The following SNAPC1 variants were observed in gnomAD, a reference collection of about 807,000 sequenced individuals.
SNAPC1 encodes the protein small nuclear RNA activating complex polypeptide 1, also known as snRNA-activating protein complex subunit 1.
In SNAPC1, 42 loss-of-function variants were observed where a neutral mutation model predicts 50.1. The ratio of observed to expected loss-of-function variants is 0.84; its 90% CI spans 0.65 to 1.08. The LOEUF (loss-of-function observed/expected upper bound fraction) is 1.08. SNAPC1 is among the 50% of genes least tolerant of loss of function. The probability of loss-of-function intolerance (pLI) is 0.00; values close to 1 mark genes in which losing one functional copy is unlikely to be tolerated. For synonymous variants in SNAPC1, 164 were observed against 144.2 expected, an observed-to-expected ratio of 1.14 and a Z score of -0.98; for missense variants, 477 against 427.3, an observed-to-expected ratio of 1.12 and a Z score of -1.02.
chr14:61,792,144 A>G (rs539961641), intron 8 of SNAPC1, among the ~76,000 whole-genome samples: 74 of 151,850 alleles, frequency 4.9e-4, no homozygotes, highest in Non-Finnish European at 9.3e-4. Flanking sequence ...ATATCAAATG[A>G]TAAAAGTGTT....
chr14:61,762,432 G>A lies in SNAPC1; in HGVS notation c.-29G>A, dbSNP rs1450291140. On this transcript the variant is annotated 5_prime_UTR_variant, in exon 1 of 10. Transcript: ENST00000216294. ...TGGCTAGTCCGTTAGAGGCGTGCGG[G>A]CTTCGGAGGCGTGCGGGCTTCGGGT... The A allele has an allele frequency of 6.2e-7, 1 of 1,606,166 alleles. No individual in the cohort carries two copies. Among genetic ancestry groups the A allele is most frequent in the Admixed American group, 1.7e-5 (1 of 59,838 alleles).
intron 4 of SNAPC1, among the ~76,000 whole-genome samples, chr14:61,773,402 T>G (rs942578107): frequency 1.4e-5 from 2 of 143,476 alleles, no homozygotes; most frequent in Non-Finnish European, 3.1e-5. Flanking sequence ...CCTTAGTTTT[T>G]TTTTTTTTTT....
At position 61,776,145 on chromosome 14, in the gene SNAPC1, A is replaced by G. The variant is rs200343454; in HGVS notation, c.585A>G (p.Ser195=). ...DHYQNMKHVI[S]VDKSKPDKAL... ...ATCAGAACATGAAACATGTAATTTC[A>G]GTTGATAAGTCCAAGCCAGATAAAG... Residue 195 remains serine, a synonymous_variant, in exon 5 of 10, where the codon TCA becomes TCG. Transcript: ENST00000216294. 6.2e-7 allele frequency: 1 copy of G among 1,608,476 alleles called. No individual in the cohort carries two copies. The highest frequency in any genetic ancestry group is 1.7e-5 in the Admixed American group (1 of 57,878).
rs1204333123 is a variant in SNAPC1, at chr14:61,766,865, C to G, written c.129-11C>G. The G allele has an allele frequency of 2.6e-6, 4 of 1,560,692 alleles. No homozygotes were observed. Among genetic ancestry groups the G allele is most frequent in the Non-Finnish European group, 1.8e-6 (2 of 1,133,762 alleles). On this transcript the variant is annotated splice_polypyrimidine_tract_variant and intron_variant, in intron 1 of 9. Transcript: ENST00000216294. ...TAATGAGTCGTAATATATTTTCTCT[C>G]TGTTTATTAGTGGCAGAATGAGAAA...
At chr14:61,762,981 C>CTTTTCTTTT (rs2044918394) in intron 1 of SNAPC1, among the ~76,000 whole-genome samples, 1 of 72,992 alleles carries the variant, frequency 1.4e-5, no homozygotes, top group African/African-American at 5.3e-5. Flanking sequence ...CCAAAGTTGT[C>CTTTTCTTTT]TTTTTTTTTT....
intron 8 of SNAPC1, among the ~76,000 whole-genome samples, chr14:61,785,443 A>G (rs913305592): frequency 1.3e-5 from 2 of 152,158 alleles, no homozygotes; most frequent in African/African-American, 2.4e-5. Context: ...AGTTTCCAAA[A>G]CTGATGGAGG....
intron 3 of SNAPC1, among the ~76,000 whole-genome samples, chr14:61,767,971 G>T (rs1235676742): frequency 2.6e-5 from 4 of 152,078 alleles, no homozygotes; most frequent in Non-Finnish European, 5.9e-5. Flanking sequence ...GTAGAGATGG[G>T]GTTTCACCAT....
intron 4 of SNAPC1, 56 bp from the exon 5 acceptor site, chr14:61,776,039 C>G (rs1287061726): frequency 2.1e-6 from 3 of 1,440,352 alleles, no homozygotes; most frequent in Non-Finnish European, 2.8e-6. Context: ...TTGGTTTTGC[C>G]TTTTAGTTTC....
chr14:61,783,017 ATTTT>A (rs767793462), intron 8 of SNAPC1, among the ~76,000 whole-genome samples: 9 of 115,256 alleles, frequency 7.8e-5, no homozygotes, highest in African/African-American at 2.7e-4. Context: ...TTTCCAGTGC[ATTTT>A]TTTTTTTTTT....
At position 61,782,268 on chromosome 14, in the gene SNAPC1, C is replaced by G. The variant is rs752838381; in HGVS notation, c.847C>G (p.Arg283Gly). The change falls in exon 8 of 10, where the codon CGT (arginine) becomes GGT (glycine). Residue 283 changes from arginine to glycine, a missense_variant. Arg to Gly is a moderately radical substitution (Grantham distance 125). Coordinates refer to ENST00000216294, the MANE Select transcript of SNAPC1 (RefSeq NM_003082.4). ...TAAGGCATCCAAATCAAGAAGGCAT[C>G]GTCAAGTCAAACTCGACTCTTCTGA... ...VIQASKSRRH[R>G]QVKLDSSDSD... 1.2e-6 allele frequency: 2 copies of G among 1,600,570 alleles called. No homozygotes were observed. The highest frequency in any genetic ancestry group is 2.3e-5 in the South Asian group (2 of 88,240).
At chr14:61,791,092 A>T (rs1300432410) in intron 8 of SNAPC1, among the ~76,000 whole-genome samples, 2 of 151,918 alleles carry the variant, frequency 1.3e-5, no homozygotes, top group East Asian at 3.9e-4. Flanking sequence ...GCTCACTGCA[A>T]CCTCCGCCTC....
chr14:61,793,934 G>A (rs2045170588), intron 9 of SNAPC1, among the ~76,000 whole-genome samples: 1 of 152,170 alleles, frequency 6.6e-6, no homozygotes, highest in Non-Finnish European at 1.5e-5. Flanking sequence ...GGGATTACAG[G>A]TGGGAGCCAC....
At chr14:61,785,235 T>C (rs2045106627) in intron 8 of SNAPC1, among the ~76,000 whole-genome samples, 1 of 152,136 alleles carries the variant, frequency 6.6e-6, no homozygotes, top group African/African-American at 2.4e-5. Flanking sequence ...AAACCCCGTC[T>C]CTACTGAAAA....
intron 4 of SNAPC1, among the ~76,000 whole-genome samples, chr14:61,773,108 T>A (rs945861271): frequency 2.0e-5 from 3 of 152,242 alleles, no homozygotes. Flanking sequence ...AAGATCTGAA[T>A]TCTGGTCATG....
intron 4 of SNAPC1, among the ~76,000 whole-genome samples, chr14:61,770,949 C>T (rs1456889855): frequency 2.6e-5 from 4 of 152,124 alleles, no homozygotes; most frequent in African/African-American, 7.2e-5. Flanking sequence ...ACCATGTTGC[C>T]CAGGGTGGTC....
chr14:61,774,403 C>T (rs540049525), intron 4 of SNAPC1, among the ~76,000 whole-genome samples: 3 of 152,014 alleles, frequency 2.0e-5, no homozygotes, highest in Non-Finnish European at 2.9e-5. Context: ...TGTACAAATG[C>T]GAAACATGAA....
chr14:61,773,709 T>C (rs1367675362), intron 4 of SNAPC1, among the ~76,000 whole-genome samples: 1 of 126,938 alleles, frequency 7.9e-6, no homozygotes, highest in Admixed American at 8.2e-5. Flanking sequence ...TTTTTTTTTT[T>C]ATTTTTTAAG....
In SNAPC1 at chr14:61,792,760, A is replaced by G. The variant is rs746721166; in HGVS notation, c.977-47A>G. On this transcript the variant is annotated intron_variant, in intron 8 of 9. Transcript: ENST00000216294. ...TTTGTAAAATGTTTTCTCAAAGATT[A>G]TAATATTCTTTGCTTTCATATAAAA... The G allele has an allele frequency of 3.7e-6, 4 of 1,085,830 alleles. No homozygotes were observed. The Admixed American group carries it at 7.4e-5, about 20-fold the overall frequency. 67.3% of individuals were successfully genotyped at this position (1,085,830 alleles called of 1,614,324 possible). A position where few individuals can be genotyped will look rare whatever the true frequency, so the allele number is the denominator to read the frequency against.
chr14:61,794,946 T>C lies in SNAPC1; in HGVS notation c.1073-3T>C. ...GACTGACTTTTAAACTTTATGTCTT[T>C]AGAGTTCACTGCATCCAAGAAGAGG... On this transcript the variant is annotated splice_region_variant and splice_polypyrimidine_tract_variant and intron_variant, in intron 9 of 9. Coordinates refer to ENST00000216294, the MANE Select transcript of SNAPC1 (RefSeq NM_003082.4). 1 of 1,585,104 alleles carries C rather than the reference T, an allele frequency of 6.3e-7. No individual in the cohort carries two copies. Among genetic ancestry groups the C allele is most frequent in the Non-Finnish European group, 8.6e-7 (1 of 1,165,158 alleles).
Sources: allele counts gnomAD v4.1 joint callset (sites outside exome capture counted in the v4.1 genomes callset), GRCh38; gene constraint gnomAD v4.1.1; transcripts MANE v1.5; gene names NCBI Gene and HGNC (gene_info 2026-07-23, HGNC 2026-07-21).